The following EWSR1 variants were observed in gnomAD, a reference collection of about 807,000 sequenced individuals.
The protein encoded by EWSR1 is EWS RNA binding protein 1.
Under a neutral mutation model 92.1 loss-of-function variants are expected in EWSR1, and 14 were observed. The ratio of observed to expected loss-of-function variants is 0.15; its 90% CI spans 0.10 to 0.24. The LOEUF (loss-of-function observed/expected upper bound fraction) is 0.24. EWSR1 is among the 10% of genes least tolerant of loss of function. The probability of loss-of-function intolerance (pLI) is 1.00; values close to 1 mark genes in which losing one functional copy is unlikely to be tolerated. For missense variants in EWSR1, 637 were observed against 870.9 expected (o/e 0.73, Z 3.38); for synonymous variants, 303 against 292.9 (o/e 1.03, Z -0.35).
chr22:29,274,595 G>GC (rs1261160104), intron 4 of EWSR1: 2 of 369,844 alleles, frequency 5.4e-6, no homozygotes, highest in Non-Finnish European at 9.9e-6. Flanking sequence ...AGGATAGATT[G>GC]CATGATGAGA....
chr22:29,284,131 G>A (rs2059835946), intron 6 of EWSR1, among the ~76,000 whole-genome samples: 1 of 150,896 alleles, frequency 6.6e-6, no homozygotes, highest in Non-Finnish European at 1.5e-5. Flanking sequence ...ACTGCGCCTG[G>A]CCCAGTTTTT....
chr22:29,291,943 G>A lies in EWSR1; in HGVS notation c.1013-194G>A, dbSNP rs2060471123. 9.8e-6 allele frequency: 6 copies of A among 612,808 alleles called. No individual in the cohort carries two copies. The East Asian group carries it at 1.7e-4, about 17-fold the overall frequency. The allele number at this position is 612,808 out of a possible 1,614,324, so 38.0% of individuals were successfully genotyped here. On this transcript the variant is annotated intron_variant, in intron 9 of 16. Transcript: ENST00000397938. ...AATGGTTTAGAAGCAAACCAGCAAAGGAAAAAAGCAAACCCTAGCAAACCT... is the reference window on the plus strand; with the variant it reads ...AATGGTTTAGAAGCAAACCAGCAAAAGAAAAAAGCAAACCCTAGCAAACCT...
chr22:29,287,193 G>C, intron 7 of EWSR1, 59 bp downstream of exon 7: 2 of 1,527,178 alleles, frequency 1.3e-6, no homozygotes, highest in Non-Finnish European at 1.8e-6. Flanking sequence ...TTTTTTGTGG[G>C]GTTGATTTTT....
At chr22:29,277,592 T>C (rs893183134) in intron 4 of EWSR1, 6 of 231,572 alleles carry the variant, frequency 2.6e-5, no homozygotes, top group African/African-American at 1.3e-4. Context: ...TTTAAAATGC[T>C]ATGTCATTTG....
chr22:29,291,624 A>C (rs954479689), intron 9 of EWSR1, 25 bp downstream of exon 9: 3 of 1,594,028 alleles, frequency 1.9e-6, no homozygotes, highest in South Asian at 2.3e-5. Flanking sequence ...ATTACCATAG[A>C]TAGTGTTTAA....
intron 12 of EWSR1, among the ~76,000 whole-genome samples, chr22:29,296,832 G>A (rs1214171527): frequency 6.6e-6 from 1 of 152,132 alleles, no homozygotes; most frequent in African/African-American, 2.4e-5. Context: ...CTTGAATCCA[G>A]GGGCTTGAGA....
chr22:29,282,919 C>A (rs924896314), intron 6 of EWSR1, among the ~76,000 whole-genome samples: 1 of 151,984 alleles, frequency 6.6e-6, no homozygotes, highest in Non-Finnish European at 1.5e-5. Flanking sequence ...CCCGCCACCA[C>A]GCCCAGCTAA....
At chr22:29,272,069 A>G (rs2058723855) in intron 1 of EWSR1, 147 bp from the exon 2 acceptor site, 1 of 666,564 alleles carries the variant, frequency 1.5e-6, no homozygotes, top group Non-Finnish European at 2.6e-6. Context: ...AGATGTTGAG[A>G]GGTAAGGGGG....
chr22:29,284,947 G>A (rs2059907534), intron 6 of EWSR1, among the ~76,000 whole-genome samples: 1 of 151,096 alleles, frequency 6.6e-6, no homozygotes, highest in African/African-American at 2.5e-5. Context: ...AGCCTCCCAA[G>A]TAGCTGGCAT....
At chr22:29,294,282 C>T (rs1200591719) in intron 11 of EWSR1, among the ~76,000 whole-genome samples, 1 of 152,166 alleles carries the variant, frequency 6.6e-6, no homozygotes, top group African/African-American at 2.4e-5. Flanking sequence ...CGTTAAATGA[C>T]ACTTTTCTGG....
rs71196650 is a variant in EWSR1, at chr22:29,280,862, GTTT to G, written c.414-1493_414-1491del. On this transcript the variant is annotated intron_variant, in intron 5 of 16. Coordinates refer to ENST00000397938, the MANE Select transcript of EWSR1 (RefSeq NM_005243.4). Reference sequence around the variant, plus strand: ...CTAATTTTGTGTGTGTGTGTGTGTTGTTTTTTTTTTTTTTTTTTTTTTTTTTTT... The same window carrying G: ...CTAATTTTGTGTGTGTGTGTGTGTTGTTTTTTTTTTTTTTTTTTTTTTTTT... 9.1e-3 allele frequency among the ~76,000 whole-genome samples: 570 copies of G among 62,882 alleles called. 30 individuals carry two copies. Among genetic ancestry groups the G allele is most frequent in the African/African-American group, 0.031 (542 of 17,572 alleles). 41.3% of individuals were successfully genotyped at this position (62,882 alleles called of 152,430 possible). A position where few individuals can be genotyped will look rare whatever the true frequency, so the allele number is the denominator to read the frequency against.
At chr22:29,297,262 T>G (rs540799248) in intron 12 of EWSR1, among the ~76,000 whole-genome samples, 7 of 152,332 alleles carry the variant, frequency 4.6e-5, no homozygotes, top group African/African-American at 1.7e-4. Flanking sequence ...GCCAATCTTG[T>G]GCGTCAGCCA....
chr22:29,300,495 A>T lies in EWSR1; in HGVS notation c.*334A>T, dbSNP rs1206938235. 3.6e-4 allele frequency: 79 copies of T among 222,114 alleles called. No homozygotes were observed. Among genetic ancestry groups the T allele is most frequent in the Middle Eastern group, 1.4e-3 (1 of 692 alleles). The allele number at this position is 222,114 out of a possible 1,614,324, so 13.8% of individuals were successfully genotyped here. A position where few individuals can be genotyped will look rare whatever the true frequency, so the allele number is the denominator to read the frequency against. ...GTTGTGATGTTTTTTTTTTTTTTTT[A>T]AATAAAATTCCAAATGTTTATAAAG... On this transcript the variant is annotated 3_prime_UTR_variant, in exon 17 of 17. Coordinates refer to ENST00000397938, the MANE Select transcript of EWSR1 (RefSeq NM_005243.4).
At chr22:29,273,988 C>T in intron 4 of EWSR1, 124 bp downstream of exon 4, 1 of 1,270,434 alleles carries the variant, frequency 7.9e-7, no homozygotes, top group Non-Finnish European at 1.1e-6. Context: ...ATCCTTTATT[C>T]TTAGGAAGAG....
chr22:29,281,694 C>T (rs942579487), intron 5 of EWSR1, among the ~76,000 whole-genome samples: 5 of 152,182 alleles, frequency 3.3e-5, no homozygotes, highest in Non-Finnish European at 7.3e-5. Context: ...CATTCTCCTG[C>T]CTCAGCTTCC....
At chr22:29,287,436 G>A (rs962115869) in intron 7 of EWSR1, among the ~76,000 whole-genome samples, 2 of 152,166 alleles carry the variant, frequency 1.3e-5, no homozygotes, top group African/African-American at 4.8e-5. Flanking sequence ...TCGAACTCCT[G>A]ACCTCAGGTG....
At chr22:29,298,091 T>G in intron 13 of EWSR1, 142 bp downstream of exon 13, 1 of 1,018,854 alleles carries the variant, frequency 9.8e-7, no homozygotes, top group Non-Finnish European at 1.4e-6. Flanking sequence ...AATGAATGTT[T>G]GTTGGGAATA....
At chr22:29,299,947 G>A in intron 16 of EWSR1, 96 bp downstream of exon 16, 1 of 1,541,940 alleles carries the variant, frequency 6.5e-7, no homozygotes, top group Non-Finnish European at 8.7e-7. Context: ...TCTCTAGGAA[G>A]CTTGTGATAG....
chr22:29,296,438 A>C, intron 12 of EWSR1, 70 bp downstream of exon 12: 1 of 1,577,286 alleles, frequency 6.3e-7, no homozygotes, highest in Non-Finnish European at 8.6e-7. Flanking sequence ...AAACTTGTGA[A>C]CCATAGGAGC....
Sources: gnomAD v4.1 joint callset for allele counts (sites outside exome capture counted in the v4.1 genomes callset) on GRCh38, gnomAD v4.1.1 for gene constraint, MANE v1.5 for transcripts, NCBI Gene and HGNC (gene_info 2026-07-23, HGNC 2026-07-21) for gene names.